Variants in OPRM1 observed in about 807,000 individuals in gnomAD.
OPRM1 encodes the protein opioid receptor mu 1.
Under a neutral mutation model 31.8 loss-of-function variants are expected in OPRM1, and 27 were observed. The ratio of observed to expected loss-of-function variants is 0.85; its 90% CI spans 0.63 to 1.17. OPRM1 has a LOEUF of 1.17. Ranked by LOEUF, OPRM1 falls within the 50% of genes most tolerant of loss-of-function variation. The probability of loss-of-function intolerance (pLI) is 0.00; values close to 1 mark genes in which losing one functional copy is unlikely to be tolerated. For synonymous variants in OPRM1, 196 were observed against 189.9 expected (o/e 1.03, Z -0.26); for missense variants, 536 against 511.1 (o/e 1.05, Z -0.47).
Position 154,090,364 on chromosome 6 carries a change from A to G in OPRM1, c.643+186A>G, listed in dbSNP as rs1420873573. 2.6e-5 allele frequency among the ~76,000 whole-genome samples: 4 copies of G among 152,214 alleles called. No homozygotes were observed. In the East Asian group the frequency reaches 7.7e-4, roughly 29 times the overall value. Reference sequence around the variant, plus strand: ...GAATTTTCCTCATAATTTTAGGCCTATTAAATCCTTTAAAGAGAATGTAAT... The same window carrying G: ...GAATTTTCCTCATAATTTTAGGCCTGTTAAATCCTTTAAAGAGAATGTAAT... On this transcript the variant is annotated intron_variant, in intron 2 of 3. Coordinates refer to ENST00000330432, the MANE Select transcript of OPRM1 (RefSeq NM_000914.5).
At chr6:154,152,343 GA>G (rs753860826) in intron 3 of OPRM1, among the ~76,000 whole-genome samples, 1 of 20,484 alleles carries the variant, frequency 4.9e-5, no homozygotes, top group Admixed American at 6.1e-4. Context: ...AAGAAAGAAA[GA>G]AAGGAAAGAA....
intron 3 of OPRM1, among the ~76,000 whole-genome samples, chr6:154,186,270 A>G (rs927859124): frequency 1.8e-4 from 28 of 152,184 alleles, no homozygotes; most frequent in Non-Finnish European, 2.9e-5. Flanking sequence ...GGTCTTTTCC[A>G]TCTCATAATA....
chr6:154,010,545 T>C, exon 1 of OPRM1: 9 of 1,546,662 alleles, frequency 5.8e-6, no homozygotes, highest in African/African-American at 1.4e-5. Context: ...GCACCAAAGC[T>C]GGGAAGCCCT....
intron 3 of OPRM1, among the ~76,000 whole-genome samples, chr6:154,211,755 G>A (rs926919658): frequency 6.6e-6 from 1 of 152,190 alleles, no homozygotes; most frequent in Non-Finnish European, 1.5e-5. Flanking sequence ...GTGCAAAAGT[G>A]ATTGTGTTTT....
At chr6:154,174,320 C>T (rs1290147865) in intron 3 of OPRM1, among the ~76,000 whole-genome samples, 2 of 152,104 alleles carry the variant, frequency 1.3e-5, no homozygotes, top group Admixed American at 6.5e-5. Context: ...TCACACATAA[C>T]AATATTAACC....
At chr6:154,217,519 T>C (rs1214431352) in intron 3 of OPRM1, 1 of 150,712 alleles carries the variant, frequency 6.6e-6, no homozygotes, top group Non-Finnish European at 1.5e-5. Flanking sequence ...TAAATGCAAA[T>C]GAAAGCGCAC....
chr6:154,168,614 AT>A lies in OPRM1; in HGVS notation c.1164+77150del, dbSNP rs536207639. On this transcript the variant is annotated intron_variant, in intron 3 of 3. Transcript: ENST00000337049. This position sits in a 1 kb window ranked among gnomAD's most constrained non-coding sequence, Gnocchi z 4.1. ...TAATTAATTAATTAATTTTATTATT[AT>A]TTTTTTTGAGACGGAGTTTTACTGC... Among the ~76,000 whole-genome samples, 19 of 150,818 alleles carry A rather than the reference AT, an allele frequency of 1.3e-4. No individual in the cohort carries two copies. The highest frequency in any genetic ancestry group is 2.2e-4 in the Non-Finnish European group (15 of 67,764).
intron 3 of OPRM1, among the ~76,000 whole-genome samples, chr6:154,231,570 A>C (rs545460651): frequency 4.1e-4 from 63 of 152,398 alleles, no homozygotes; most frequent in Non-Finnish European, 6.9e-4. Context: ...CAACGCGTAG[A>C]GCAATCTCTA....
intron 3 of OPRM1, among the ~76,000 whole-genome samples, chr6:154,220,776 T>G (rs977622508): frequency 1.3e-5 from 2 of 152,208 alleles, no homozygotes; most frequent in Non-Finnish European, 2.9e-5. Flanking sequence ...GAGCTAGGGA[T>G]CTACAATTTT....
At position 154,128,766 on chromosome 6, in the gene OPRM1, A is replaced by G. The variant is rs1276770996; in HGVS notation, c.*10045A>G. Among the ~76,000 whole-genome samples, 1 of 152,202 alleles carries G rather than the reference A, an allele frequency of 6.6e-6. No individual in the cohort carries two copies. The highest frequency in any genetic ancestry group is 2.4e-5 in the African/African-American group (1 of 41,452). On this transcript the variant is annotated 3_prime_UTR_variant, in exon 4 of 4. Coordinates refer to ENST00000330432, the MANE Select transcript of OPRM1 (RefSeq NM_000914.5). ...CTACCTTGTACCTCATGGAGAGCTG[A>G]AGGTCTGATAAATGGGAACTGCCAG...
At chr6:154,051,873 C>T (rs1208364978) in intron 1 of OPRM1, among the ~76,000 whole-genome samples, 2 of 152,170 alleles carry the variant, frequency 1.3e-5, no homozygotes, top group East Asian at 1.9e-4. Context: ...AAGACACATG[C>T]ACACATATGT....
intron 3 of OPRM1, among the ~76,000 whole-genome samples, chr6:154,093,753 G>A (rs1435554427): frequency 6.6e-6 from 1 of 152,176 alleles, no homozygotes; most frequent in Non-Finnish European, 1.5e-5. Flanking sequence ...CAGGAAAAGA[G>A]GGAAAGATGC....
downstream of OPRM1, among the ~76,000 whole-genome samples, chr6:154,135,272 C>A (rs1403165770): frequency 6.6e-6 from 1 of 152,122 alleles, no homozygotes; most frequent in Non-Finnish European, 1.5e-5. Flanking sequence ...AGTTCAAGAC[C>A]AGCCTGGCCC....
chr6:154,222,629 G>A (rs928825836), intron 3 of OPRM1, among the ~76,000 whole-genome samples: 1 of 152,156 alleles, frequency 6.6e-6, no homozygotes, highest in Non-Finnish European at 1.5e-5. Context: ...TTCCTTCTCA[G>A]GAAAACCAGG....
chr6:154,138,584 C>A (rs980247619), intron 3 of OPRM1, among the ~76,000 whole-genome samples: 1 of 152,122 alleles, frequency 6.6e-6, no homozygotes, highest in Admixed American at 6.5e-5. Flanking sequence ...AAAATTATGA[C>A]GGAGACAGAG....
chr6:154,145,954 T>A (rs1478276715), intron 3 of OPRM1, among the ~76,000 whole-genome samples: 4 of 152,218 alleles, frequency 2.6e-5, no homozygotes, highest in African/African-American at 9.7e-5. Context: ...TAAACCTTGA[T>A]TCATAAGGTT....
At chr6:154,094,318 G>C in intron 3 of OPRM1, 2 of 829,900 alleles carry the variant, frequency 2.4e-6, no homozygotes, top group Non-Finnish European at 3.5e-6. Context: ...CAGTTATCAA[G>C]GTAATTTGAT....
intron 3 of OPRM1, among the ~76,000 whole-genome samples, chr6:154,183,821 C>T (rs1308143620): frequency 3.3e-5 from 5 of 151,954 alleles, no homozygotes; most frequent in African/African-American, 1.2e-4. Flanking sequence ...ACCCAGGAGG[C>T]AGAGGTTACA....
At chr6:154,112,333 C>A (rs999740556) in intron 3 of OPRM1, among the ~76,000 whole-genome samples, 3 of 152,142 alleles carry the variant, frequency 2.0e-5, no homozygotes, top group African/African-American at 7.2e-5. Flanking sequence ...ACTCAGTGGA[C>A]CAGAGAAAAC....
Sources: gnomAD v4.1 joint callset for allele counts (sites outside exome capture counted in the v4.1 genomes callset) on GRCh38, gnomAD v4.1.1 for gene constraint, Gnocchi (gnomAD v3.1) non-coding constraint, MANE v1.5 for transcripts, NCBI Gene and HGNC (gene_info 2026-07-23, HGNC 2026-07-21) for gene names.